CYFIP1: variants seen among roughly 807,000 people sequenced by gnomAD.
The protein encoded by CYFIP1 is cytoplasmic FMR1 interacting protein 1.
CYFIP1 carries 58 observed loss-of-function variants against 163.5 expected under a neutral mutation model. The ratio of observed to expected loss-of-function variants is 0.35; its 90% CI spans 0.29 to 0.44. The LOEUF (loss-of-function observed/expected upper bound fraction) is 0.44. Ranked by LOEUF, CYFIP1 falls within the 20% of genes least tolerant of loss-of-function variation. CYFIP1 has a pLI of 1.00. For synonymous variants in CYFIP1, 663 were observed against 660.7 expected, an observed-to-expected ratio of 1.00 and a Z score of -0.05; for missense variants, 1,338 against 1,653.8, an observed-to-expected ratio of 0.81 and a Z score of 3.31.
intron 9 of CYFIP1, among the ~76,000 whole-genome samples, chr15:22,936,787 G>A (rs575962806): frequency 6.6e-5 from 10 of 152,278 alleles, no homozygotes; most frequent in African/African-American, 1.7e-4. Context: ...CACCACAACC[G>A]AAAGCTACAA....
intron 22 of CYFIP1, among the ~76,000 whole-genome samples, chr15:22,903,125 G>A (rs2060451636): frequency 6.6e-6 from 1 of 152,194 alleles, no homozygotes; most frequent in South Asian, 2.1e-4. Context: ...ATCCCCCCAG[G>A]CTGTTGGTGT....
At position 22,875,181 on chromosome 15, in the gene CYFIP1, G is replaced by A. The variant is rs2059547136; in HGVS notation, c.3115+18C>T. 6.2e-7 allele frequency: 1 copy of A among 1,613,286 alleles called. No homozygotes were observed. The highest frequency in any genetic ancestry group is 1.3e-5 in the African/African-American group (1 of 75,028). ...CAGAGGGCAGTCTGGACTCCCTGGT[G>A]GGGGTCAGCAGGCTCACCTTTCACA... On this transcript the variant is annotated intron_variant, in intron 27 of 30. Transcript: ENST00000617928.
intron 23 of CYFIP1, among the ~76,000 whole-genome samples, chr15:22,887,770 G>A (rs1359553330): frequency 3.3e-5 from 5 of 152,146 alleles, no homozygotes; most frequent in East Asian, 1.9e-4. Flanking sequence ...GAAGGGCACC[G>A]TCACAAACAC....
At chr15:22,920,732 G>A (rs980512909) in intron 13 of CYFIP1, among the ~76,000 whole-genome samples, 6 of 152,146 alleles carry the variant, frequency 3.9e-5, no homozygotes, top group South Asian at 2.1e-4. Context: ...GCTGCTCAGC[G>A]CCATCTCTGT....
chr15:22,875,288 G>A lies in CYFIP1; in HGVS notation c.3043-17C>T, dbSNP rs1160351102. On this transcript the variant is annotated splice_polypyrimidine_tract_variant and intron_variant, in intron 26 of 30. Coordinates refer to ENST00000617928, the MANE Select transcript of CYFIP1 (RefSeq NM_014608.6). ...TTCTAAAGACTAGAGCAGAGAAAGA[G>A]AGGGTCAAGCTAGGAAGGGTATCTC... 3 of 1,612,674 alleles carry A rather than the reference G, an allele frequency of 1.9e-6. No individual in the cohort carries two copies. The highest frequency in any genetic ancestry group is 2.5e-6 in the Non-Finnish European group (3 of 1,178,788).
chr15:22,964,363 A>T (rs1377452981), intron 1 of CYFIP1, among the ~76,000 whole-genome samples: 38 of 88,058 alleles, frequency 4.3e-4, no homozygotes, highest in East Asian at 3.7e-3. Flanking sequence ...TCACACACAC[A>T]CACACACACA....
chr15:22,974,264 G>A (rs546708449), intron 1 of CYFIP1, among the ~76,000 whole-genome samples: 158 of 152,244 alleles, frequency 1.0e-3, no homozygotes, highest in African/African-American at 3.7e-3. Flanking sequence ...GCCAAGACAT[G>A]GAATCAACCT....
Position 22,944,880 on chromosome 15 carries a change from G to C in CYFIP1, c.267C>G (p.Cys89Trp). 6.2e-7 allele frequency: 1 copy of C among 1,614,062 alleles called. No individual in the cohort carries two copies. The highest frequency in any genetic ancestry group is 8.5e-7 in the Non-Finnish European group (1 of 1,180,002). The change falls in exon 4 of 31, where the codon TGC (cysteine) becomes TGG (tryptophan). Residue 89 changes from cysteine (C) to tryptophan (W), a missense_variant. Physicochemically the swap from Cys to Trp is radical, Grantham distance 215. Around this residue, in one of 4 missense-constraint regions of CYFIP1, gnomAD observed 186 missense variants for 288.3 expected, o/e 0.65. Transcript: ENST00000617928. ...YAVMLYTWRS[C>W]SRAIPQVKCN... ...GTGGCACCTGTGGGATGGCCCGGGAGCAGCTCCTCCAGGTGTACAGCATGA... is the reference window on the plus strand; with the variant it reads ...GTGGCACCTGTGGGATGGCCCGGGACCAGCTCCTCCAGGTGTACAGCATGA...
rs1383958314 is a variant in CYFIP1, at chr15:22,918,877, C to T, written c.1360-19G>A. The T allele has an allele frequency of 1.3e-6, 2 of 1,569,570 alleles. No homozygotes were observed. The highest frequency in any genetic ancestry group is 1.8e-5 in the Admixed American group (1 of 54,352). ...CGATCACCTGCGGGGGACACAGCAA[C>T]AGGGACGGCCCTTCTTAGGGATGGC... On this transcript the variant is annotated intron_variant, in intron 13 of 30. Coordinates refer to ENST00000617928, the MANE Select transcript of CYFIP1 (RefSeq NM_014608.6).
intron 1 of CYFIP1, among the ~76,000 whole-genome samples, chr15:22,948,515 A>G (rs2062135593): frequency 6.6e-6 from 1 of 152,180 alleles, no homozygotes; most frequent in South Asian, 2.1e-4. Flanking sequence ...AACAAGACCC[A>G]GATCTCATAT....
chr15:22,896,017 G>C (rs929193748), intron 22 of CYFIP1, among the ~76,000 whole-genome samples: 1 of 152,116 alleles, frequency 6.6e-6, no homozygotes, highest in Non-Finnish European at 1.5e-5. Flanking sequence ...TGAGTACTGC[G>C]AATGTGTCAC....
At chr15:22,872,133 C>G (rs1027300453) in intron 30 of CYFIP1, among the ~76,000 whole-genome samples, 14 of 151,460 alleles carry the variant, frequency 9.2e-5, no homozygotes, top group Non-Finnish European at 2.1e-4. Context: ...TACAAAATTA[C>G]AAAATACAAA....
intron 11 of CYFIP1, among the ~76,000 whole-genome samples, chr15:22,930,702 A>G (rs76514317): frequency 0.024 from 3,586 of 152,304 alleles, 107 homozygotes; most frequent in East Asian, 0.13. Context: ...ATAAGGAGAT[A>G]AAGAAAAAAT....
rs56861965 is a variant in CYFIP1, at chr15:22,964,157, CT to C, written c.-7+16129del. Among the ~76,000 whole-genome samples the C allele has an allele frequency of 8.8e-4, 118 of 134,588 alleles. 1 individual carries two copies. The highest frequency in any genetic ancestry group is 3.8e-3 in the Middle Eastern group (1 of 260). The allele number at this position is 134,588 out of a possible 152,430, so 88.3% of individuals were successfully genotyped here. On this transcript the variant is annotated intron_variant, in intron 1 of 30. Transcript: ENST00000617928. Reference sequence around the variant, plus strand: ...TTACGCATATGTATCACTTCACATACTTTTTTTTTTTTTTTCCCTTTCTGGA... The same window carrying C: ...TTACGCATATGTATCACTTCACATACTTTTTTTTTTTTTTCCCTTTCTGGA...
chr15:22,968,437 C>G (rs1349008091), intron 1 of CYFIP1, among the ~76,000 whole-genome samples: 1 of 152,198 alleles, frequency 6.6e-6, no homozygotes, highest in East Asian at 1.9e-4. Context: ...TGCCTTCAGG[C>G]TGCCTTCAAC....
chr15:22,880,104 G>C, intron 25 of CYFIP1, 61 bp from the exon 26 acceptor site: 1 of 1,604,758 alleles, frequency 6.2e-7, no homozygotes, highest in Non-Finnish European at 8.5e-7. Flanking sequence ...CTAGCAGCCT[G>C]GGTCCACAGC....
In CYFIP1 at chr15:22,868,963, G is replaced by GCCTT. The variant is rs2059340664; in HGVS notation, c.*1061_*1064dup. 6.6e-6 allele frequency: 1 copy of GCCTT among 152,094 alleles called. No individual in the cohort carries two copies. The highest frequency in any genetic ancestry group is 1.5e-5 in the Non-Finnish European group (1 of 68,028). The allele number at this position is 152,094 out of a possible 1,614,324, so 9.4% of individuals were successfully genotyped here. On this transcript the variant is annotated 3_prime_UTR_variant, in exon 31 of 31. Transcript: ENST00000617928. ...TAGTTAGGATTTTCAGAACCTCATT[G>GCCTT]CCTTAGTACTTTTTAAAATATGGCT... is the stretch of plus-strand genomic sequence containing the variant.
chr15:22,974,332 G>A (rs984577480), intron 1 of CYFIP1, among the ~76,000 whole-genome samples: 2 of 152,128 alleles, frequency 1.3e-5, no homozygotes, highest in African/African-American at 4.8e-5. Context: ...TGTAATCCTA[G>A]CACTTTCAGG....
intron 23 of CYFIP1, among the ~76,000 whole-genome samples, chr15:22,884,028 A>G (rs1328677171): frequency 6.6e-6 from 1 of 152,104 alleles, no homozygotes; most frequent in Admixed American, 6.5e-5. Context: ...CAAGAACAGC[A>G]TGTGGAAAAC....
Sources: allele counts gnomAD v4.1 joint callset (sites outside exome capture counted in the v4.1 genomes callset), GRCh38; gene constraint gnomAD v4.1.1; regional missense constraint gnomAD v4.1.1; transcripts MANE v1.5; gene names NCBI Gene and HGNC (gene_info 2026-07-23, HGNC 2026-07-21).